TFDP2: variants seen among roughly 807,000 people sequenced by gnomAD.
TFDP2 encodes the protein transcription factor Dp-2 (E2F dimerization partner 2).
TFDP2 carries 17 observed loss-of-function variants against 59.3 expected under a neutral mutation model. The ratio of observed to expected loss-of-function variants is 0.29; its 90% confidence interval spans 0.20 to 0.43. The LOEUF (loss-of-function observed/expected upper bound fraction) is 0.43, where lower values mean the gene tolerates loss of function less well. Among genes scored for constraint, TFDP2 ranks in the 20% least tolerant of loss-of-function variants. The probability of loss-of-function intolerance (pLI) is 1.00; values close to 1 mark genes in which losing one functional copy is unlikely to be tolerated. For missense variants in TFDP2, 391 were observed against 528.8 expected (o/e 0.74, Z 2.56); for synonymous variants, 180 against 194.7 (o/e 0.92, Z 0.63).
chr3:142,118,886 T>G (rs372925637), intron 1 of TFDP2, among the ~76,000 whole-genome samples: 1 of 152,102 alleles, frequency 6.6e-6, no homozygotes, highest in South Asian at 2.1e-4. Context: ...TCTGGCTGGG[T>G]GCAGTGGCTC....
intron 1 of TFDP2, among the ~76,000 whole-genome samples, chr3:142,103,557 ATGG>A (rs902449290): frequency 1.6e-4 from 24 of 152,156 alleles, no homozygotes; most frequent in African/African-American, 5.8e-4. Flanking sequence ...GAGGGGTATA[ATGG>A]TGGCAACTTA....
chr3:142,122,208 T>C (rs1257807008), intron 1 of TFDP2, among the ~76,000 whole-genome samples: 3 of 152,190 alleles, frequency 2.0e-5, no homozygotes, highest in Non-Finnish European at 1.5e-5. Flanking sequence ...GGTCTACAGA[T>C]ACCAGTTTAA....
intron 3 of TFDP2, among the ~76,000 whole-genome samples, chr3:142,010,639 A>C (rs1944596445): frequency 6.6e-6 from 1 of 150,772 alleles, no homozygotes; most frequent in South Asian, 2.1e-4. Flanking sequence ...ACCTACCATC[A>C]GAGTGAACAG....
At chr3:142,137,224 T>C (rs960730160) in intron 1 of TFDP2, among the ~76,000 whole-genome samples, 9 of 152,224 alleles carry the variant, frequency 5.9e-5, no homozygotes, top group Admixed American at 5.9e-4. Context: ...TTTCTGCACA[T>C]TGATTTTGTA....
intron 3 of TFDP2, among the ~76,000 whole-genome samples, chr3:142,065,363 C>T (rs2060039079): frequency 6.6e-6 from 1 of 151,986 alleles, no homozygotes; most frequent in South Asian, 2.1e-4. Flanking sequence ...TTTGTGTTGC[C>T]CAGGCTGGTC....
intron 11 of TFDP2, among the ~76,000 whole-genome samples, chr3:141,955,635 A>C (rs1936524130): frequency 6.6e-6 from 1 of 152,226 alleles, no homozygotes; most frequent in Non-Finnish European, 1.5e-5. Context: ...TTGTGAGCAA[A>C]GGACCAAATC....
intron 1 of TFDP2, among the ~76,000 whole-genome samples, chr3:142,134,358 A>G (rs1316179470): frequency 6.6e-6 from 1 of 151,956 alleles, no homozygotes; most frequent in Non-Finnish European, 1.5e-5. Context: ...CAAAAAAAAA[A>G]AAAAGAAAAA....
intron 3 of TFDP2, among the ~76,000 whole-genome samples, chr3:142,084,034 A>C (rs1343941362): frequency 6.6e-6 from 1 of 152,226 alleles, no homozygotes; most frequent in Admixed American, 6.5e-5. Context: ...GTTCCTGCAT[A>C]GCAAAGGAAA....
At chr3:142,001,867 T>C (rs1273102132) in intron 4 of TFDP2, among the ~76,000 whole-genome samples, 1 of 152,098 alleles carries the variant, frequency 6.6e-6, no homozygotes, top group East Asian at 1.9e-4. Context: ...TTGGTTGTTG[T>C]TTAGTTCTTT....
rs546470138 is a variant in TFDP2, at chr3:142,020,563, A to C, written c.83-15019T>G. ...GGGGAAAAGAAAGAAAGAAGAAAGT[A>C]ACTCAGGCTCTGTAGGTCAACAGCA... On this transcript the variant is annotated intron_variant, in intron 3 of 12. Transcript: ENST00000489671. Among the ~76,000 whole-genome samples the C allele has an allele frequency of 1.1e-4, 17 of 151,722 alleles. No homozygotes were observed. In the East Asian group the frequency reaches 2.9e-3, roughly 26 times the overall value.
At chr3:141,979,829 T>C (rs1941257870) in intron 6 of TFDP2, among the ~76,000 whole-genome samples, 2 of 152,110 alleles carry the variant, frequency 1.3e-5, no homozygotes, top group African/African-American at 4.8e-5. Flanking sequence ...CCTCAGGTGA[T>C]CTGCCTGCCT....
chr3:142,133,406 T>C (rs1208751160), intron 1 of TFDP2, among the ~76,000 whole-genome samples: 5 of 149,284 alleles, frequency 3.3e-5, no homozygotes, highest in Admixed American at 3.3e-4. Context: ...TTTTAGTAGA[T>C]ATGGGGTTTC....
rs573075906 is a variant in TFDP2 at position 141,979,248 on chromosome 3, A to G, written c.357-566T>C. On this transcript the variant is annotated intron_variant, in intron 6 of 12. Coordinates refer to ENST00000489671, the MANE Select transcript of TFDP2 (RefSeq NM_001178139.2). ...TGTGGTGATGCTGGCAAACAAACCT[A>G]CTGCTCTGCCAGTCCTATAAAAGTC... Among the ~76,000 whole-genome samples, 33 of 152,336 alleles carry G rather than the reference A, an allele frequency of 2.2e-4. No homozygotes were observed. In the South Asian group the frequency reaches 6.8e-3, roughly 32 times the overall value.
rs192802630 is a variant in TFDP2 at position 142,062,849 on chromosome 3, A to G, written c.82+30212T>C. Among the ~76,000 whole-genome samples the G allele has an allele frequency of 2.0e-5, 3 of 152,314 alleles. No homozygotes were observed. The East Asian group carries it at 5.8e-4, about 29-fold the overall frequency. The stretch of plus-strand genomic sequence containing the variant: ...TATGATTACTAAGCTTGATCTCACA[A>G]CATCTTCTTAAGCAAGAGAAGCCAG... On this transcript the variant is annotated intron_variant, in intron 3 of 12. Coordinates refer to ENST00000489671, the MANE Select transcript of TFDP2 (RefSeq NM_001178139.2).
chr3:142,101,060 C>T (rs560814434), intron 2 of TFDP2, among the ~76,000 whole-genome samples: 31 of 152,224 alleles, frequency 2.0e-4, no homozygotes, highest in African/African-American at 7.5e-4. Context: ...ATACATATAA[C>T]ATTGGAACAG....
At chr3:141,989,808 T>C (rs1281035341) in intron 6 of TFDP2, among the ~76,000 whole-genome samples, 1 of 152,092 alleles carries the variant, frequency 6.6e-6, no homozygotes, top group Non-Finnish European at 1.5e-5. Context: ...ATAATAACAC[T>C]AGCTTTCATT....
intron 3 of TFDP2, among the ~76,000 whole-genome samples, chr3:142,030,277 C>G (rs1946360036): frequency 6.6e-6 from 1 of 152,238 alleles, no homozygotes; most frequent in Non-Finnish European, 1.5e-5. Context: ...ATATGGCCCT[C>G]TATCTTTCCA....
At chr3:142,136,714 A>G (rs1358875906) in intron 1 of TFDP2, among the ~76,000 whole-genome samples, 2 of 151,884 alleles carry the variant, frequency 1.3e-5, no homozygotes, top group South Asian at 2.1e-4. Flanking sequence ...CAGGTTTGTC[A>G]AAGATCAGAT....
rs1359781871 is a variant in TFDP2, at chr3:141,995,154, G to A, written c.187-13C>T. The A allele has an allele frequency of 6.4e-7, 1 of 1,556,256 alleles. No homozygotes were observed. The highest frequency in any genetic ancestry group is 2.3e-5 in the East Asian group (1 of 43,520). On this transcript the variant is annotated splice_polypyrimidine_tract_variant and intron_variant, in intron 4 of 12. Coordinates refer to ENST00000489671, the MANE Select transcript of TFDP2 (RefSeq NM_001178139.2). ...GTGTGCTTATAATCTGTAAAGTTAG[G>A]AACAAAGAATATAATATTCTTAATT...
Sources: gnomAD v4.1 joint callset for allele counts (sites outside exome capture counted in the v4.1 genomes callset) on GRCh38, gnomAD v4.1.1 for gene constraint, MANE v1.5 for transcripts, NCBI Gene and HGNC (gene_info 2026-07-23, HGNC 2026-07-21) for gene names.